The following QRICH1 variants were observed in gnomAD, a reference collection of about 807,000 sequenced individuals.
The protein encoded by QRICH1 is glutamine rich 1.
QRICH1 carries 16 observed loss-of-function variants against 87.1 expected under a neutral mutation model. The observed-to-expected ratio is 0.18, with a 90% CI of 0.12 to 0.28. The LOEUF (loss-of-function observed/expected upper bound fraction) is 0.28, where lower values mean the gene tolerates loss of function less well. Among genes scored for constraint, QRICH1 ranks in the 10% least tolerant of loss-of-function variants. The pLI, the probability that QRICH1 is intolerant of heterozygous loss-of-function variation, is 1.00. For synonymous variants in QRICH1, 367 were observed against 368.4 expected (o/e 1.00, Z 0.05); for missense variants, 647 against 951.7 (o/e 0.68, Z 4.21).
At chr3:49,038,282 C>T (rs1423070085) in intron 6 of QRICH1, among the ~76,000 whole-genome samples, 7 of 151,732 alleles carry the variant, frequency 4.6e-5, no homozygotes, top group Middle Eastern at 6.8e-3. Flanking sequence ...AGGATGGTCT[C>T]GATCTCCTGA....
Position 49,050,422 on chromosome 3 carries a change from C to CAA in QRICH1, c.1339-3178_1339-3177dup, listed in dbSNP as rs552220438. On this transcript the variant is annotated intron_variant, in intron 3 of 9. Coordinates refer to ENST00000395443, the MANE Select transcript of QRICH1 (RefSeq NM_198880.3). Reference sequence around the variant, plus strand: ...TGGGCGACAGAGCCAGACTCTGTCTCAAAAAAAAAAAAAAAAAAAAAAAAG... The same window carrying CAA: ...TGGGCGACAGAGCCAGACTCTGTCTCAAAAAAAAAAAAAAAAAAAAAAAAAAG... Among the ~76,000 whole-genome samples the CAA allele has an allele frequency of 4.9e-3, 286 of 58,560 alleles. 9 individuals carry two copies. The highest frequency in any genetic ancestry group is 0.013 in the African/African-American group (151 of 11,822). The allele number at this position is 58,560 out of a possible 152,430, so 38.4% of individuals were successfully genotyped here.
At position 49,036,238 on chromosome 3, in the gene QRICH1, T is replaced by C. The variant is rs141317645; in HGVS notation, c.1787-3010A>G. ...AACTACAGGCACCAAAATGATGTAT[T>C]TTATCTTTAAAAACAATTTCTAGTT... is the stretch of plus-strand genomic sequence containing the variant. On this transcript the variant is annotated intron_variant, in intron 6 of 9. Coordinates refer to ENST00000395443, the MANE Select transcript of QRICH1 (RefSeq NM_198880.3). Among the ~76,000 whole-genome samples, 515 of 152,308 alleles carry C rather than the reference T, an allele frequency of 3.4e-3. 5 individuals carry two copies. The highest frequency in any genetic ancestry group is 0.012 in the African/African-American group (485 of 41,556).
chr3:49,063,736 C>T (rs1301144012), intron 2 of QRICH1, among the ~76,000 whole-genome samples: 1 of 152,198 alleles, frequency 6.6e-6, no homozygotes, highest in African/African-American at 2.4e-5. Flanking sequence ...CTGCAGTGAA[C>T]TATGAACGGC....
chr3:49,051,593 C>CT (rs1185602480), intron 3 of QRICH1, among the ~76,000 whole-genome samples: 1 of 139,874 alleles, frequency 7.1e-6, no homozygotes, highest in African/African-American at 2.7e-5. Flanking sequence ...CGCCCCCCCC[C>CT]CCCTCCGCTT....
intron 7 of QRICH1, 47 bp downstream of exon 7, chr3:49,033,073 A>T: frequency 7.4e-7 from 1 of 1,343,344 alleles, no homozygotes; most frequent in African/African-American, 1.5e-5. Context: ...TAGCTTCCAC[A>T]CTCTTCACTG....
intron 3 of QRICH1, among the ~76,000 whole-genome samples, chr3:49,050,195 G>GCCA (rs2093362026): frequency 1.4e-5 from 2 of 145,010 alleles, no homozygotes. Flanking sequence ...CTTGCAGTGA[G>GCCA]CCAAGATTGT....
intron 3 of QRICH1, 61 bp downstream of exon 3, chr3:49,056,801 C>T: frequency 6.2e-7 from 1 of 1,612,114 alleles, no homozygotes; most frequent in Non-Finnish European, 8.5e-7. Flanking sequence ...GAGGCAAGCT[C>T]TGTGCTGCAC....
chr3:49,065,773 C>T (rs918567953), intron 2 of QRICH1, among the ~76,000 whole-genome samples: 3 of 151,464 alleles, frequency 2.0e-5, no homozygotes, highest in African/African-American at 4.9e-5. Flanking sequence ...CTCCACTTCC[C>T]GGGTTCACGC....
intron 2 of QRICH1, among the ~76,000 whole-genome samples, chr3:49,065,016 G>A (rs561950921): frequency 3.3e-5 from 5 of 150,834 alleles, no homozygotes; most frequent in African/African-American, 9.7e-5. Context: ...AGTTGTTCTA[G>A]AAAAAAACAA....
At chr3:49,033,945 C>A (rs1473008738) in intron 6 of QRICH1, 2 of 150,890 alleles carry the variant, frequency 1.3e-5, no homozygotes, top group East Asian at 3.9e-4. Flanking sequence ...CGAGATTGCA[C>A]CACTGCACTC....
Position 49,029,710 on chromosome 3 carries a change from TGAAAA to T in QRICH1, c.*737_*741del. ...AAAGAGACGTTGTTCACTAACATGT[TGAAAA>T]GACGTGCTTGTCATTCTTAATAAAC... On this transcript the variant is annotated 3_prime_UTR_variant, in exon 10 of 10. Coordinates refer to ENST00000395443, the MANE Select transcript of QRICH1 (RefSeq NM_198880.3). 2.7e-6 allele frequency: 1 copy of T among 365,636 alleles called. No homozygotes were observed. Among genetic ancestry groups the T allele is most frequent in the South Asian group, 2.4e-5 (1 of 41,766 alleles). 22.6% of individuals were successfully genotyped at this position (365,636 alleles called of 1,614,324 possible). A position where few individuals can be genotyped will look rare whatever the true frequency, so the allele number is the denominator to read the frequency against.
chr3:49,090,063 T>G (rs946677686), intron 1 of QRICH1, among the ~76,000 whole-genome samples: 60 of 151,402 alleles, frequency 4.0e-4, no homozygotes, highest in African/African-American at 1.5e-3. Context: ...GCCTGTAATC[T>G]CAGCACTTTG....
chr3:49,069,098 ATTATTATTAT>A (rs2093485117), intron 2 of QRICH1, among the ~76,000 whole-genome samples: 2 of 83,884 alleles, frequency 2.4e-5, no homozygotes, highest in African/African-American at 1.0e-4. Context: ...TATTATTATT[ATTATTATTAT>A]TTTTTTTTTT....
intron 2 of QRICH1, among the ~76,000 whole-genome samples, chr3:49,075,099 A>G (rs2041924785): frequency 6.6e-6 from 1 of 151,988 alleles, no homozygotes; most frequent in Non-Finnish European, 1.5e-5. Flanking sequence ...AGGCAGGAGA[A>G]TATCTTGAGG....
Position 49,091,444 on chromosome 3 carries a change from A to G in QRICH1, c.-22+2468T>C, listed in dbSNP as rs140476369. Among the ~76,000 whole-genome samples, 700 of 152,302 alleles carry G rather than the reference A, an allele frequency of 4.6e-3. 7 individuals carry two copies. Among genetic ancestry groups the G allele is most frequent in the Non-Finnish European group, 7.6e-3 (518 of 68,024 alleles). ...TCCAAAGTAAGGAAAGACATCCCTG[A>G]TTCTGAAGCTGCCTTAAAGAAAGGC... On this transcript the variant is annotated intron_variant, in intron 1 of 9. Transcript: ENST00000395443.
chr3:49,069,197 G>T (rs901682798), intron 2 of QRICH1, among the ~76,000 whole-genome samples: 2 of 148,818 alleles, frequency 1.3e-5, no homozygotes, highest in South Asian at 2.1e-4. Context: ...TCCGCCTCCC[G>T]GGTTCAAGCA....
At chr3:49,062,685 T>C (rs1222291397) in intron 2 of QRICH1, among the ~76,000 whole-genome samples, 4 of 151,138 alleles carry the variant, frequency 2.6e-5, no homozygotes, top group Non-Finnish European at 5.9e-5. Flanking sequence ...GGGTAACTTA[T>C]ATCTCAATAA....
intron 6 of QRICH1, among the ~76,000 whole-genome samples, chr3:49,040,230 G>GTAGTC (rs1036652634): frequency 1.3e-5 from 2 of 152,234 alleles, no homozygotes; most frequent in African/African-American, 4.8e-5. Flanking sequence ...GTAGAGTGAT[G>GTAGTC]TAGTCACTCA....
chr3:49,033,268 G>T, intron 6 of QRICH1, 40 bp from the exon 7 acceptor site: 1 of 1,339,592 alleles, frequency 7.5e-7, no homozygotes, highest in Non-Finnish European at 1.0e-6. Context: ...GAGGATGGCA[G>T]GTGGTCTCTC....
Sources: allele counts gnomAD v4.1 joint callset (sites outside exome capture counted in the v4.1 genomes callset), GRCh38; gene constraint gnomAD v4.1.1; transcripts MANE v1.5; gene names NCBI Gene and HGNC (gene_info 2026-07-23, HGNC 2026-07-21).